Variants in FAM107B observed in about 807,000 individuals in gnomAD.
FAM107B encodes protein FAM107B.
A neutral mutation model predicts 31.5 loss-of-function variants in FAM107B; 21 were observed. That is an observed-to-expected ratio of 0.67 (90% CI 0.47 to 0.96). FAM107B has a LOEUF of 0.96. FAM107B is among the 40% of genes least tolerant of loss of function. The probability of loss-of-function intolerance (pLI) is 0.00; values close to 1 mark genes in which losing one functional copy is unlikely to be tolerated. For synonymous variants in FAM107B, 157 were observed against 141.5 expected (o/e 1.11, Z -0.78); for missense variants, 452 against 377.1 (o/e 1.20, Z -1.64).
Position 14,599,721 on chromosome 10 carries a change from G to A in FAM107B, c.469+67913C>T, listed in dbSNP as rs566092260. On this transcript the variant is annotated intron_variant, in intron 2 of 4. Transcript: ENST00000181796. ...GGGAATATAAAAGAATGTAGAATCT[G>A]CGGCTGAATAATGATTTCTATTTCC... Among the ~76,000 whole-genome samples, 3 of 152,206 alleles carry A rather than the reference G, an allele frequency of 2.0e-5. No individual in the cohort carries two copies. In the East Asian group the frequency reaches 5.8e-4, roughly 29 times the overall value.
rs150151542 is a variant in FAM107B at position 14,605,497 on chromosome 10, G to C, written c.469+62137C>G. On this transcript the variant is annotated intron_variant, in intron 2 of 4. Transcript: ENST00000181796. ...GAAATTTTTCTGACTAAGACAGTTT[G>C]GGTCATAGTCATACTGAAAAGTCAC... 8.5e-5 allele frequency among the ~76,000 whole-genome samples: 13 copies of C among 152,302 alleles called. No individual in the cohort carries two copies. The East Asian group carries it at 2.3e-3, about 27-fold the overall frequency.
chr10:14,531,042 G>A (rs751641667), intron 2 of FAM107B, among the ~76,000 whole-genome samples: 7 of 152,106 alleles, frequency 4.6e-5, no homozygotes, highest in Non-Finnish European at 8.8e-5. Flanking sequence ...GAACAAAGAC[G>A]GGATGGAATC....
chr10:14,644,135 T>G (rs967968139), intron 2 of FAM107B, among the ~76,000 whole-genome samples: 1 of 152,220 alleles, frequency 6.6e-6, no homozygotes, highest in African/African-American at 2.4e-5. Flanking sequence ...GTTATTGCAG[T>G]AAGATAGTAG....
intron 3 of FAM107B, chr10:14,527,801 C>T (rs1846456317): frequency 4.4e-6 from 1 of 227,434 alleles, no homozygotes; most frequent in Non-Finnish European, 8.9e-6. Context: ...GTGATGTATC[C>T]TATAGTTTGG....
At chr10:14,693,191 T>C (rs1311001955) in intron 1 of FAM107B, among the ~76,000 whole-genome samples, 1 of 152,208 alleles carries the variant, frequency 6.6e-6, no homozygotes, top group African/African-American at 2.4e-5. Flanking sequence ...ATTTAAGGTA[T>C]ATGGCCGGGC....
chr10:14,624,397 G>C (rs1199726980), intron 2 of FAM107B, among the ~76,000 whole-genome samples: 2 of 152,156 alleles, frequency 1.3e-5, no homozygotes, highest in Non-Finnish European at 2.9e-5. Context: ...GCACTTCTGG[G>C]AGGCTGAGGA....
chr10:14,678,706 T>A (rs1854751404), intron 1 of FAM107B, among the ~76,000 whole-genome samples: 1 of 151,954 alleles, frequency 6.6e-6, no homozygotes, highest in Non-Finnish European at 1.5e-5. Context: ...GAAAAAGAAC[T>A]TCAATATGAG....
chr10:14,577,428 T>C (rs574752601), intron 2 of FAM107B, among the ~76,000 whole-genome samples: 53 of 152,214 alleles, frequency 3.5e-4, no homozygotes, highest in Non-Finnish European at 6.5e-4. Flanking sequence ...CAGCTTCACG[T>C]GAATCTTTAA....
chr10:14,612,390 A>C (rs895548132), intron 2 of FAM107B: 3 of 152,244 alleles, frequency 2.0e-5, no homozygotes, highest in Non-Finnish European at 4.4e-5. Flanking sequence ...GTCCTTGGGC[A>C]GCTGAGGGCA....
intron 1 of FAM107B, among the ~76,000 whole-genome samples, chr10:14,728,276 A>AT (rs1458633779): frequency 2.0e-5 from 3 of 152,104 alleles, no homozygotes; most frequent in African/African-American, 7.2e-5. Flanking sequence ...CTCTTGAAAA[A>AT]TAGCCAGCAA....
chr10:14,669,893 G>A (rs1228654558), intron 1 of FAM107B, among the ~76,000 whole-genome samples: 2 of 152,166 alleles, frequency 1.3e-5, no homozygotes, highest in South Asian at 2.1e-4. Flanking sequence ...TAACAACAAT[G>A]TATTGCATAT....
At chr10:14,524,709 A>C (rs1172890021) in intron 3 of FAM107B, among the ~76,000 whole-genome samples, 1 of 152,218 alleles carries the variant, frequency 6.6e-6, no homozygotes, top group African/African-American at 2.4e-5. Flanking sequence ...CTACAGACAG[A>C]ATTAAGGGGT....
intron 2 of FAM107B, among the ~76,000 whole-genome samples, chr10:14,618,231 T>C (rs78440007): frequency 0.04 from 6,042 of 152,310 alleles, 176 homozygotes; most frequent in East Asian, 0.12. Context: ...TTCTTGGGTG[T>C]ATCAGTAATT....
chr10:14,589,013 C>T (rs1851932387), intron 2 of FAM107B, among the ~76,000 whole-genome samples: 1 of 151,698 alleles, frequency 6.6e-6, no homozygotes, highest in Non-Finnish European at 1.5e-5. Context: ...GAAACCCCAT[C>T]CTTACTAAAA....
chr10:14,587,608 T>C (rs1192183391), intron 2 of FAM107B, among the ~76,000 whole-genome samples: 12 of 152,246 alleles, frequency 7.9e-5, no homozygotes, highest in African/African-American at 2.9e-4. Flanking sequence ...GGATTACATA[T>C]CTTAAACATT....
chr10:14,718,165 A>G (rs1855823751), intron 1 of FAM107B, among the ~76,000 whole-genome samples: 1 of 152,242 alleles, frequency 6.6e-6, no homozygotes, highest in Non-Finnish European at 1.5e-5. Flanking sequence ...TGTCTCTACT[A>G]AAAATACAAA....
chr10:14,680,495 AC>A (rs1424811835), intron 1 of FAM107B, among the ~76,000 whole-genome samples: 2 of 147,674 alleles, frequency 1.4e-5, no homozygotes, highest in Admixed American at 1.4e-4. Context: ...AATCGCTTGA[AC>A]CCCGGAGGCA....
At chr10:14,676,902 G>A (rs970570154) in intron 1 of FAM107B, among the ~76,000 whole-genome samples, 2 of 152,208 alleles carry the variant, frequency 1.3e-5, no homozygotes, top group South Asian at 4.1e-4. Flanking sequence ...AGCCACCCGG[G>A]TGATTGCTGT....
intron 2 of FAM107B, chr10:14,604,130 G>GCCCCCCCCCCC: frequency 1.6e-6 from 1 of 641,438 alleles, no homozygotes; most frequent in Non-Finnish European, 1.9e-6. Context: ...CACCCGCCCG[G>GCCCCCCCCCCC]CCGCCCGCCC....
Sources: gnomAD v4.1 joint callset for allele counts (sites outside exome capture counted in the v4.1 genomes callset) on GRCh38, gnomAD v4.1.1 for gene constraint, MANE v1.5 for transcripts, NCBI Gene and HGNC (gene_info 2026-07-23, HGNC 2026-07-21) for gene names.